HK1: variants seen among roughly 807,000 people sequenced by gnomAD.
HK1 encodes the protein hexokinase-1.
In HK1, 28 loss-of-function variants were observed where a neutral mutation model predicts 91.6. That is an observed-to-expected ratio of 0.31 (90% CI 0.23 to 0.42). HK1 has a LOEUF of 0.42. HK1 is among the 10% of genes least tolerant of loss of function. The pLI is 1.00. For missense variants in HK1, 770 were observed against 1,219.8 expected (o/e 0.63, Z 5.49); for synonymous variants, 430 against 468.1 (o/e 0.92, Z 1.05).
intron 9 of HK1, among the ~76,000 whole-genome samples, chr10:69,381,014 T>G (rs1017763944): frequency 1.3e-5 from 2 of 152,154 alleles, no homozygotes; most frequent in African/African-American, 4.8e-5. Context: ...TCAATTGAAA[T>G]AGTTCTGGCC....
At chr10:69,396,034 G>A (rs1483827682) in intron 16 of HK1, among the ~76,000 whole-genome samples, 1 of 152,150 alleles carries the variant, frequency 6.6e-6, no homozygotes, top group African/African-American at 2.4e-5. Context: ...CACTTTAGGA[G>A]GCCAAAGCAG....
At chr10:69,363,143 A>G (rs533036124) in intron 3 of HK1, among the ~76,000 whole-genome samples, 63 of 152,314 alleles carry the variant, frequency 4.1e-4, no homozygotes, top group African/African-American at 1.5e-3. Flanking sequence ...CTCCTAAGAC[A>G]GCCTTCTTCT....
At chr10:69,326,236 T>C (rs1392596450) in intron 1 of HK1, among the ~76,000 whole-genome samples, 2 of 151,194 alleles carry the variant, frequency 1.3e-5, no homozygotes, top group Non-Finnish European at 2.9e-5. Flanking sequence ...GAGATTACAC[T>C]ATAAATGTTT....
At position 69,379,144 on chromosome 10, in the gene HK1, G is replaced by C. The variant is rs923986404; in HGVS notation, c.1032-718G>C. ...GGTTATTTGGGGCGAGGTTGGTTTT[G>C]TTTTTAAATATTAAAAAAAATCTGT... On this transcript the variant is annotated intron_variant, in intron 8 of 17. Coordinates refer to ENST00000359426, the MANE Select transcript of HK1 (RefSeq NM_000188.3). Among the ~76,000 whole-genome samples the C allele has an allele frequency of 2.0e-5, 3 of 151,904 alleles. No homozygotes were observed. In the South Asian group the frequency reaches 6.2e-4, roughly 31 times the overall value.
intron 7 of HK1, among the ~76,000 whole-genome samples, chr10:69,376,061 A>T (rs533002516): frequency 6.6e-6 from 1 of 152,242 alleles, no homozygotes; most frequent in South Asian, 2.1e-4. Context: ...TTGGCCGGAG[A>T]AGGAGAAAAT....
chr10:69,276,104 AAAAAAAAAAAAAAAATAC>A (rs1564746676), intron 1 of HK1, among the ~76,000 whole-genome samples: 11 of 46,910 alleles, frequency 2.3e-4, no homozygotes, highest in African/African-American at 6.7e-4. Flanking sequence ...AAAAAAAAAA[AAAAAAAAAAAAAAAATAC>A]ATATATATAT....
chr10:69,285,827 C>T (rs1325229960), intron 2 of HK1, among the ~76,000 whole-genome samples: 2 of 152,178 alleles, frequency 1.3e-5, no homozygotes, highest in African/African-American at 4.8e-5. Context: ...AGACCAAACA[C>T]TCTCTAGACA....
intron 1 of HK1, 60 bp downstream of exon 1, chr10:69,319,070 T>C: frequency 6.5e-7 from 1 of 1,545,690 alleles, no homozygotes. Flanking sequence ...CGGCATCCGC[T>C]CGCCGCCTCC....
At chr10:69,366,563 C>G (rs1383632725) in intron 4 of HK1, among the ~76,000 whole-genome samples, 2 of 152,142 alleles carry the variant, frequency 1.3e-5, no homozygotes, top group East Asian at 3.9e-4. Context: ...GGCCCCACCT[C>G]CCATCCAGTG....
At chr10:69,353,618 CAA>C (rs71471542) in intron 2 of HK1, among the ~76,000 whole-genome samples, 4,394 of 116,670 alleles carry the variant, frequency 0.038, 104 homozygotes, top group African/African-American at 0.072. Context: ...CAAACAAAAC[CAA>C]AAAAAAAAAA....
At chr10:69,283,798 C>CAAAAAAAAAAAAAAAAAAAAA (rs571297748) in intron 2 of HK1, among the ~76,000 whole-genome samples, 2 of 67,620 alleles carry the variant, frequency 3.0e-5, no homozygotes, top group Non-Finnish European at 5.3e-5. Context: ...GACTCTGTCT[C>CAAAAAAAAAAAAAAAAAAAAA]AAAAAAAAAA....
intron 3 of HK1, among the ~76,000 whole-genome samples, chr10:69,290,210 A>C (rs1014079987): frequency 1.3e-5 from 2 of 152,212 alleles, no homozygotes; most frequent in South Asian, 4.2e-4. Flanking sequence ...GCCCCATTTA[A>C]ATCACTGCAG....
chr10:69,392,075 A>G lies in HK1; in HGVS notation c.2036-50A>G, dbSNP rs751593330. 3.7e-6 allele frequency: 6 copies of G among 1,604,994 alleles called. No individual in the cohort carries two copies. The Admixed American group carries it at 1.0e-4, about 27-fold the overall frequency. ...CCCAGACCCCAGGCCCAGTTGCAAGACCCCCAAATGCAAGGCCACCGCTCC... is the reference window on the plus strand; with the variant it reads ...CCCAGACCCCAGGCCCAGTTGCAAGGCCCCCAAATGCAAGGCCACCGCTCC... On this transcript the variant is annotated intron_variant, in intron 14 of 17. Coordinates refer to ENST00000359426, the MANE Select transcript of HK1 (RefSeq NM_000188.3).
intron 1 of HK1, among the ~76,000 whole-genome samples, chr10:69,276,118 A>ATATATATATATATAT (rs1426672139): frequency 7.3e-4 from 28 of 38,268 alleles, no homozygotes; most frequent in South Asian, 3.1e-3. Context: ...AAAAAAAAAA[A>ATATATATATATATAT]ATACATATAT....
At chr10:69,379,585 C>T (rs1425298185) in intron 8 of HK1, among the ~76,000 whole-genome samples, 4 of 152,192 alleles carry the variant, frequency 2.6e-5, no homozygotes, top group Non-Finnish European at 4.4e-5. Context: ...GCCACCTGTT[C>T]AGAGGCCACA....
upstream of HK1, among the ~76,000 whole-genome samples, chr10:69,314,782 C>G (rs1846553967): frequency 6.6e-6 from 1 of 152,210 alleles, no homozygotes. Flanking sequence ...ATTCTCTTGC[C>G]TAAGCCTCCC....
At chr10:69,364,740 A>C (rs769664944) in intron 3 of HK1, 43 bp from the exon 4 acceptor site, 8 of 1,613,364 alleles carry the variant, frequency 5.0e-6, no homozygotes, top group Non-Finnish European at 5.9e-6. Flanking sequence ...TGAAATGCTA[A>C]GCCTGCTTTG....
In HK1 at chr10:69,360,075, G is replaced by T. The variant is rs751138343; in HGVS notation, c.375+30G>T. ...GTCCCTGCTCCCTCCGGGTCACCCC[G>T]TCGGGCCAGCATCCCCTTGGTTACC... is the stretch of plus-strand genomic sequence containing the variant. On this transcript the variant is annotated intron_variant, in intron 3 of 17. Transcript: ENST00000359426. 29 of 1,610,950 alleles carry T rather than the reference G, an allele frequency of 1.8e-5. No homozygotes were observed. In the South Asian group the frequency reaches 2.5e-4, roughly 14 times the overall value.
chr10:69,312,406 T>C (rs755739020), upstream of HK1, among the ~76,000 whole-genome samples: 2 of 152,074 alleles, frequency 1.3e-5, no homozygotes, highest in Non-Finnish European at 2.9e-5. Flanking sequence ...CCAGCTAATG[T>C]TCGTGGTTTT....
Sources: gnomAD v4.1 joint callset for allele counts (sites outside exome capture counted in the v4.1 genomes callset) on GRCh38, gnomAD v4.1.1 for gene constraint, MANE v1.5 for transcripts, NCBI Gene and HGNC (gene_info 2026-07-23, HGNC 2026-07-21) for gene names.